LMO2: variants seen among roughly 807,000 people sequenced by gnomAD.
LMO2 encodes the protein LIM domain only 2, also known as rhombotin-2.
LMO2 carries 20 observed loss-of-function variants against 23.2 expected under a neutral mutation model. That is an observed-to-expected ratio of 0.86 (90% CI 0.61 to 1.25). The LOEUF is 1.25. LMO2 is among the 50% of genes most tolerant of loss of function. The probability of loss-of-function intolerance (pLI) is 0.00; values close to 1 mark genes in which losing one functional copy is unlikely to be tolerated. For missense variants in LMO2, 270 were observed against 315.3 expected (o/e 0.86, Z 1.09); for synonymous variants, 123 against 130.2 (o/e 0.94, Z 0.38).
chr11:33,868,896 G>A (rs1017977720), intron 4 of LMO2, among the ~76,000 whole-genome samples: 7 of 152,226 alleles, frequency 4.6e-5, no homozygotes, highest in Non-Finnish European at 7.3e-5. Flanking sequence ...GGCGGCCGTT[G>A]GGGACCCCGG....
chr11:33,871,361 G>A (rs763894730), intron 2 of LMO2, among the ~76,000 whole-genome samples: 2 of 151,698 alleles, frequency 1.3e-5, no homozygotes, highest in Non-Finnish European at 2.9e-5. Context: ...GGAGACCCAG[G>A]CTAGCCTGAG....
At chr11:33,875,959 CT>C (rs1346718412) in intron 2 of LMO2, among the ~76,000 whole-genome samples, 2 of 152,246 alleles carry the variant, frequency 1.3e-5, no homozygotes, top group Non-Finnish European at 1.5e-5. Flanking sequence ...TGCTGCCCCC[CT>C]GTCCTTTTCT....
At position 33,859,298 on chromosome 11, in the gene LMO2, TG is replaced by T; in HGVS notation, c.*57del. On this transcript the variant is annotated 3_prime_UTR_variant, in exon 6 of 6. Transcript: ENST00000257818. ...AAGTGCCTAAGAGTGAAGACGAAGA[TG>T]CCATGGAGACGGCGTCTTCAGTGAA... 1.5e-6 allele frequency: 2 copies of T among 1,303,286 alleles called. No individual in the cohort carries two copies. Among genetic ancestry groups the T allele is most frequent in the Non-Finnish European group, 2.2e-6 (2 of 906,662 alleles). 80.7% of individuals were successfully genotyped at this position (1,303,286 alleles called of 1,614,324 possible).
In LMO2 at chr11:33,859,028, T is replaced by C. The variant is rs1213898550; in HGVS notation, c.*328A>G. ...AACAAGTCTGTACACAACAACTCTC[T>C]ATCTGTAGATATGAAATTCCATCAT... On this transcript the variant is annotated 3_prime_UTR_variant, in exon 6 of 6. Coordinates refer to ENST00000257818, the MANE Select transcript of LMO2 (RefSeq NM_005574.4). 7 of 371,130 alleles carry C rather than the reference T, an allele frequency of 1.9e-5. No homozygotes were observed. The East Asian group carries it at 3.0e-4, about 16-fold the overall frequency. The allele number at this position is 371,130 out of a possible 1,614,324, so 23.0% of individuals were successfully genotyped here.
At chr11:33,891,175 C>T (rs936669071) in intron 1 of LMO2, among the ~76,000 whole-genome samples, 9 of 152,164 alleles carry the variant, frequency 5.9e-5, no homozygotes, top group Admixed American at 3.9e-4. Flanking sequence ...TTTCCTCATC[C>T]GCCTTGGTTT....
rs758863616 is a variant in LMO2, at chr11:33,869,582, G to A, written c.12C>T (p.Ser4=). 1.5e-6 allele frequency: 2 copies of A among 1,298,192 alleles called. No homozygotes were observed. The highest frequency in any genetic ancestry group is 3.6e-5 in the East Asian group (1 of 27,804). 80.4% of individuals were successfully genotyped at this position (1,298,192 alleles called of 1,614,324 possible). MEG[S]AVTVLERGGA... is the part of the protein sequence containing the mutation. ...CTCCGCGCTCAAGGACAGTCACCGCGCTCCCTTCAAACGCCAAAGAGAGAG... is the reference window on the plus strand; with the variant it reads ...CTCCGCGCTCAAGGACAGTCACCGCACTCCCTTCAAACGCCAAAGAGAGAG... Residue 4 remains serine, a synonymous_variant, in exon 4 of 6, where the codon AGC becomes AGT. Transcript: ENST00000257818.
At chr11:33,891,046 T>G (rs1320991375) in intron 1 of LMO2, among the ~76,000 whole-genome samples, 1 of 152,160 alleles carries the variant, frequency 6.6e-6, no homozygotes, top group African/African-American at 2.4e-5. Flanking sequence ...AGGGGAGTTA[T>G]GCAAAGTCAA....
intron 5 of LMO2, among the ~76,000 whole-genome samples, chr11:33,861,755 CAG>C (rs963938582): frequency 3.3e-5 from 5 of 152,116 alleles, no homozygotes; most frequent in Admixed American, 3.3e-4. Context: ...AAAGGGAAGT[CAG>C]GGGGTAAATT....
rs1342060922 is a variant in LMO2, at chr11:33,864,960, C to T, written c.249-143G>A. 2.7e-6 allele frequency: 2 copies of T among 740,464 alleles called. No homozygotes were observed. The highest frequency in any genetic ancestry group is 3.4e-5 in the African/African-American group (2 of 58,062). 45.9% of individuals were successfully genotyped at this position (740,464 alleles called of 1,614,324 possible). On this transcript the variant is annotated intron_variant, in intron 4 of 5. Transcript: ENST00000257818. The surrounding 1 kb of genome is among the most constrained non-coding windows in gnomAD (Gnocchi z 4.8). ...GGAGAAGGGACAGGACAACACATCC[C>T]TTGGCCAGACTGCAGAGTCCCAACC...
At chr11:33,870,394 T>C (rs1198002179) in intron 2 of LMO2, 16 of 985,508 alleles carry the variant, frequency 1.6e-5, no homozygotes, top group Non-Finnish European at 1.8e-5. Flanking sequence ...AGGTTCGAGG[T>C]CCCAGGTCCA....
In LMO2 at chr11:33,888,974, G is replaced by A. The variant is rs753126356; in HGVS notation, c.-336+2821C>T. ...GGCAGGACAGCTAGTAGTCGCCAAAGCCAGGGTTCAAGTCTGACTACAAAG... is the reference window on the plus strand; with the variant it reads ...GGCAGGACAGCTAGTAGTCGCCAAAACCAGGGTTCAAGTCTGACTACAAAG... On this transcript the variant is annotated intron_variant, in intron 1 of 5. Transcript: ENST00000257818. 5.3e-5 allele frequency among the ~76,000 whole-genome samples: 8 copies of A among 152,222 alleles called. 1 individual carries two copies. Among genetic ancestry groups the A allele is most frequent in the Admixed American group, 1.3e-4 (2 of 15,282 alleles).
chr11:33,878,836 T>G (rs995949815), intron 2 of LMO2, among the ~76,000 whole-genome samples: 19 of 152,230 alleles, frequency 1.2e-4, no homozygotes, highest in Admixed American at 2.6e-4. Flanking sequence ...CATCTTGCCT[T>G]AAGTCCTTGG....
At chr11:33,860,404 CA>C (rs1423953506) in intron 5 of LMO2, among the ~76,000 whole-genome samples, 1 of 152,134 alleles carries the variant, frequency 6.6e-6, no homozygotes, top group African/African-American at 2.4e-5. Context: ...GGGCTCAGTG[CA>C]GTGGTTCTCA....
intron 1 of LMO2, among the ~76,000 whole-genome samples, chr11:33,891,103 G>A (rs1857535770): frequency 6.6e-6 from 1 of 152,172 alleles, no homozygotes. Flanking sequence ...GCACAAAGTA[G>A]ATGCTCCCAA....
At chr11:33,886,838 T>A (rs1857421935) in intron 1 of LMO2, among the ~76,000 whole-genome samples, 1 of 152,344 alleles carries the variant, frequency 6.6e-6, no homozygotes. Context: ...TGGAACAAGC[T>A]TAACATTAGC....
chr11:33,860,920 G>A (rs1306591515), intron 5 of LMO2, among the ~76,000 whole-genome samples: 2 of 152,214 alleles, frequency 1.3e-5, no homozygotes, highest in Non-Finnish European at 2.9e-5. Flanking sequence ...TGACATTTGA[G>A]AATCAACAGC....
chr11:33,860,556 A>G (rs1210714863), intron 5 of LMO2, among the ~76,000 whole-genome samples: 1 of 152,016 alleles, frequency 6.6e-6, no homozygotes, highest in Non-Finnish European at 1.5e-5. Flanking sequence ...TTGAGCTCAC[A>G]AGTTCGAGAC....
intron 5 of LMO2, among the ~76,000 whole-genome samples, chr11:33,861,991 AGCC>A (rs1856599014): frequency 6.6e-6 from 1 of 152,230 alleles, no homozygotes; most frequent in Non-Finnish European, 1.5e-5. Flanking sequence ...GTAAAAAATA[AGCC>A]GGGACTTGAC....
intron 1 of LMO2, among the ~76,000 whole-genome samples, chr11:33,885,750 T>C (rs1423358563): frequency 6.6e-6 from 1 of 152,178 alleles, no homozygotes; most frequent in South Asian, 2.1e-4. Flanking sequence ...AGGGAAGCTG[T>C]TTGTGCTCCA....
Sources: gnomAD v4.1 joint callset for allele counts (sites outside exome capture counted in the v4.1 genomes callset) on GRCh38, gnomAD v4.1.1 for gene constraint, Gnocchi (gnomAD v3.1) non-coding constraint, MANE v1.5 for transcripts, NCBI Gene and HGNC (gene_info 2026-07-23, HGNC 2026-07-21) for gene names.